Variants in MYOF observed in about 807,000 individuals in gnomAD.
MYOF encodes fer-1-like 3, myoferlin.
A neutral mutation model predicts 284.2 loss-of-function variants in MYOF; 244 were observed. The ratio of observed to expected loss-of-function variants is 0.86; its 90% confidence interval spans 0.77 to 0.95. The LOEUF (loss-of-function observed/expected upper bound fraction) is 0.95, where lower values mean the gene tolerates loss of function less well. Among genes scored for constraint, MYOF ranks in the 40% least tolerant of loss-of-function variants. MYOF has a pLI of 0.00. For synonymous variants in MYOF, 904 were observed against 919.7 expected, an observed-to-expected ratio of 0.98 and a Z score of 0.31; for missense variants, 2,496 against 2,560.6, an observed-to-expected ratio of 0.97 and a Z score of 0.54.
chr10:93,434,104 T>C (rs1415216791), intron 3 of MYOF, among the ~76,000 whole-genome samples: 1 of 152,144 alleles, frequency 6.6e-6, no homozygotes, highest in African/African-American at 2.4e-5. Context: ...ACAACTGCGA[T>C]GGACTCTCAT....
intron 1 of MYOF, among the ~76,000 whole-genome samples, chr10:93,481,359 C>T (rs1332638871): frequency 6.6e-6 from 1 of 152,192 alleles, no homozygotes; most frequent in Non-Finnish European, 1.5e-5. Flanking sequence ...CCACTGTGCT[C>T]AGCCAACCAT....
In MYOF at chr10:93,425,536, C is replaced by T. The variant is rs138267237; in HGVS notation, c.433+535G>A. On this transcript the variant is annotated intron_variant, in intron 5 of 53. Transcript: ENST00000359263. ...CCCATGTCAGAGACCAAGGACAATG[C>T]GGGCTATGCTGAAGAGAAGCAATTG... Among the ~76,000 whole-genome samples, 658 of 152,146 alleles carry T rather than the reference C, an allele frequency of 4.3e-3. 3 individuals carry two copies. Among genetic ancestry groups the T allele is most frequent in the Non-Finnish European group, 6.6e-3 (452 of 67,990 alleles).
intron 2 of MYOF, among the ~76,000 whole-genome samples, chr10:93,455,393 C>A (rs576023205): frequency 6.6e-6 from 1 of 152,154 alleles, no homozygotes; most frequent in South Asian, 2.1e-4. Context: ...TCTAGCGAGG[C>A]GCAATGGCTC....
intron 3 of MYOF, among the ~76,000 whole-genome samples, chr10:93,437,995 C>G (rs976778549): frequency 1.3e-5 from 2 of 152,188 alleles, no homozygotes; most frequent in South Asian, 4.1e-4. Flanking sequence ...CTTATGAAAT[C>G]CAGTGTTAGC....
rs1241835372 is a variant in MYOF, at chr10:93,336,135, G to A, written c.4438-89C>T. ...GGCTGACAGTATCAAGTGGGCCTGA[G>A]GTTGTGGATGGGGCGACCGGAACTC... is the stretch of plus-strand genomic sequence containing the variant. On this transcript the variant is annotated intron_variant, in intron 40 of 53. Transcript: ENST00000359263. 23 of 1,451,364 alleles carry A rather than the reference G, an allele frequency of 1.6e-5. No homozygotes were observed. The East Asian group carries it at 4.8e-4, about 31-fold the overall frequency. The allele number at this position is 1,451,364 out of a possible 1,614,324, so 89.9% of individuals were successfully genotyped here.
intron 1 of MYOF, among the ~76,000 whole-genome samples, chr10:93,476,090 A>G: frequency 6.6e-6 from 1 of 152,026 alleles, no homozygotes; most frequent in East Asian, 1.9e-4. Flanking sequence ...ATACCCGAGT[A>G]GTGTGATTAT....
intron 1 of MYOF, among the ~76,000 whole-genome samples, chr10:93,466,375 G>C (rs900753894): frequency 6.6e-6 from 1 of 152,148 alleles, no homozygotes; most frequent in Non-Finnish European, 1.5e-5. Flanking sequence ...CCAGCAAAAA[G>C]GCAGGAGGGG....
Position 93,351,224 on chromosome 10 carries a change from C to G in MYOF, c.3894G>C (p.Arg1298Ser), listed in dbSNP as rs766847684. The change falls in exon 35 of 54, where the codon AGG (arginine) becomes AGC (serine). Residue 1298 changes from arginine (R) to serine (S), a missense_variant. Transcript: ENST00000359263. The part of the protein sequence containing the change: ...PNLYMVPQGI[R>S]PVVQLTAIEI... ...CAATGGCAGTGAGCTGGACCACAGGCCTGATCCCCTGGGGGACCATGTATA... is the reference window on the plus strand; with the variant it reads ...CAATGGCAGTGAGCTGGACCACAGGGCTGATCCCCTGGGGGACCATGTATA... 2 of 1,614,068 alleles carry G rather than the reference C, an allele frequency of 1.2e-6. No individual in the cohort carries two copies. The highest frequency in any genetic ancestry group is 3.3e-5 in the Admixed American group (2 of 60,004).
intron 24 of MYOF, 101 bp downstream of exon 24, chr10:93,372,829 C>T: frequency 7.2e-7 from 1 of 1,381,652 alleles, no homozygotes; most frequent in Non-Finnish European, 1.0e-6. Context: ...TCCCAATCAC[C>T]CTTACCATTC....
Position 93,306,925 on chromosome 10 carries a change from A to T in MYOF, c.*38T>A. The T allele has an allele frequency of 6.2e-7, 1 of 1,601,904 alleles. No individual in the cohort carries two copies. The highest frequency in any genetic ancestry group is 8.6e-7 in the Non-Finnish European group (1 of 1,169,526). On this transcript the variant is annotated 3_prime_UTR_variant, in exon 54 of 54. Coordinates refer to ENST00000359263, the MANE Select transcript of MYOF (RefSeq NM_013451.4). ...TGGTCTACAGAGGCAGGATTCTCTCATTGCTGGATGACTCTTGAAATGAAG... is the reference window on the plus strand; with the variant it reads ...TGGTCTACAGAGGCAGGATTCTCTCTTTGCTGGATGACTCTTGAAATGAAG...
intron 17 of MYOF, 25 bp downstream of exon 17, chr10:93,392,890 CAG>C (rs777509725): frequency 3.1e-6 from 5 of 1,598,920 alleles, no homozygotes; most frequent in African/African-American, 1.3e-5. Flanking sequence ...GAAGATATAA[CAG>C]AGAGCAAAAT....
intron 38 of MYOF, among the ~76,000 whole-genome samples, chr10:93,342,701 G>C (rs564305746): frequency 6.6e-6 from 1 of 152,254 alleles, no homozygotes; most frequent in South Asian, 2.1e-4. Context: ...TACACTGAAG[G>C]CATGTAATAA....
intron 19 of MYOF, among the ~76,000 whole-genome samples, chr10:93,384,104 C>T (rs950584752): frequency 2.0e-5 from 3 of 152,234 alleles, no homozygotes; most frequent in African/African-American, 4.8e-5. Context: ...AAGATGGAGC[C>T]GCTGGATCAC....
chr10:93,308,166 C>A (rs1344264338), intron 53 of MYOF, among the ~76,000 whole-genome samples: 1 of 151,134 alleles, frequency 6.6e-6, no homozygotes, highest in Non-Finnish European at 1.5e-5. Context: ...TCGCTTGAAC[C>A]TGTGAGGCAG....
chr10:93,337,078 C>T (rs1380628429), intron 40 of MYOF, among the ~76,000 whole-genome samples: 1 of 150,310 alleles, frequency 6.7e-6, no homozygotes, highest in Non-Finnish European at 1.5e-5. Flanking sequence ...CCTTTATATG[C>T]TAGTATTTCT....
intron 26 of MYOF, among the ~76,000 whole-genome samples, chr10:93,365,647 G>A (rs1167396059): frequency 6.6e-6 from 1 of 152,198 alleles, no homozygotes; most frequent in African/African-American, 2.4e-5. Flanking sequence ...TTTGCAAAGT[G>A]GAGATAATAC....
intron 19 of MYOF, among the ~76,000 whole-genome samples, chr10:93,384,473 T>C (rs566650157): frequency 1.2e-4 from 19 of 152,104 alleles, no homozygotes; most frequent in African/African-American, 4.1e-4. Context: ...TGAAACTCTA[T>C]CTCTACTAAA....
chr10:93,394,753 C>A (rs1310621836), intron 16 of MYOF, among the ~76,000 whole-genome samples: 1 of 148,724 alleles, frequency 6.7e-6, no homozygotes, highest in Non-Finnish European at 1.5e-5. Context: ...AGCCACTGGG[C>A]CCGGCCACCA....
intron 32 of MYOF, among the ~76,000 whole-genome samples, chr10:93,352,800 TG>T (rs1844582585): frequency 6.6e-6 from 1 of 150,916 alleles, no homozygotes; most frequent in Non-Finnish European, 1.5e-5. Flanking sequence ...TTTGGAAAGA[TG>T]TTTTTTTAAC....
Sources: allele counts gnomAD v4.1 joint callset (sites outside exome capture counted in the v4.1 genomes callset), GRCh38; gene constraint gnomAD v4.1.1; transcripts MANE v1.5; gene names NCBI Gene and HGNC (gene_info 2026-07-23, HGNC 2026-07-21).